The following IFNGR2 variants were observed in gnomAD, a reference collection of about 807,000 sequenced individuals.
IFNGR2 encodes the protein interferon gamma receptor 2.
IFNGR2 carries 15 observed loss-of-function variants against 41.1 expected under a neutral mutation model. The observed-to-expected ratio is 0.37, with a 90% confidence interval of 0.24 to 0.56. The LOEUF is 0.56. Ranked by LOEUF, IFNGR2 falls within the 20% of genes least tolerant of loss-of-function variation. The pLI, the probability that IFNGR2 is intolerant of heterozygous loss-of-function variation, is 0.81. For missense variants in IFNGR2, 362 were observed against 415.7 expected, an observed-to-expected ratio of 0.87 and a Z score of 1.12; for synonymous variants, 161 against 171.6, an observed-to-expected ratio of 0.94 and a Z score of 0.48.
At chr21:33,429,685 CT>C (rs1351699965) in intron 4 of IFNGR2, among the ~76,000 whole-genome samples, 2 of 152,164 alleles carry the variant, frequency 1.3e-5, no homozygotes, top group Non-Finnish European at 2.9e-5. Flanking sequence ...AGGGCTTTTT[CT>C]GGGGGCTGGC....
At chr21:33,418,264 C>T (rs558857529) in intron 2 of IFNGR2, among the ~76,000 whole-genome samples, 2 of 152,246 alleles carry the variant, frequency 1.3e-5, no homozygotes, top group South Asian at 2.1e-4. Flanking sequence ...ACCATGTTGG[C>T]CAGGCTGGTC....
intron 6 of IFNGR2, among the ~76,000 whole-genome samples, chr21:33,436,250 G>A (rs1016055580): frequency 6.6e-6 from 1 of 151,520 alleles, no homozygotes; most frequent in East Asian, 1.9e-4. Context: ...AGCTACTTGG[G>A]AGGCTGAGGC....
chr21:33,406,638 GTGTTGGAAACTT>G (rs2083679517), intron 1 of IFNGR2, among the ~76,000 whole-genome samples: 1 of 147,464 alleles, frequency 6.8e-6, no homozygotes. Context: ...AAAAAAAAAA[GTGTTGGAAACTT>G]TTTTTTTTTT....
intron 2 of IFNGR2, among the ~76,000 whole-genome samples, chr21:33,415,263 G>C: frequency 6.6e-6 from 1 of 152,200 alleles, no homozygotes; most frequent in South Asian, 2.1e-4. Flanking sequence ...TCTTGCTTTG[G>C]TGGAAAGTTC....
rs2083804184 is a variant in IFNGR2 at position 33,422,863 on chromosome 21, G to C, written c.412+1178G>C. ...TTGCACTCCAGCCTGGGCAACAAGAGTGAAACTCCATCTCAAAAAAAAAAA... is the reference window on the plus strand; with the variant it reads ...TTGCACTCCAGCCTGGGCAACAAGACTGAAACTCCATCTCAAAAAAAAAAA... On this transcript the variant is annotated intron_variant, in intron 3 of 6. Coordinates refer to ENST00000290219, the MANE Select transcript of IFNGR2 (RefSeq NM_005534.4). Among the ~76,000 whole-genome samples the C allele has an allele frequency of 4.2e-5, 4 of 94,880 alleles. No homozygotes were observed. In the Admixed American group the frequency reaches 6.0e-4, roughly 14 times the overall value. 62.2% of individuals were successfully genotyped at this position (94,880 alleles called of 152,430 possible). A position where few individuals can be genotyped will look rare whatever the true frequency, so the allele number is the denominator to read the frequency against.
chr21:33,421,208 T>G (rs955430491), intron 2 of IFNGR2, among the ~76,000 whole-genome samples: 1 of 151,880 alleles, frequency 6.6e-6, no homozygotes, highest in Non-Finnish European at 1.5e-5. Flanking sequence ...GGCTCACACC[T>G]GTAGTTCCAG....
chr21:33,413,457 T>A lies in IFNGR2; in HGVS notation c.74-1431T>A, dbSNP rs150639149. 2.0e-5 allele frequency among the ~76,000 whole-genome samples: 3 copies of A among 152,352 alleles called. No individual in the cohort carries two copies. In the East Asian group the frequency reaches 5.8e-4, roughly 29 times the overall value. Reference sequence around the variant, plus strand: ...AAGAGCCAGTGGTCAGGCTGTCAGCTGATCTCTTTGAGGTTGAGCGCATTT... The same window carrying A: ...AAGAGCCAGTGGTCAGGCTGTCAGCAGATCTCTTTGAGGTTGAGCGCATTT... On this transcript the variant is annotated intron_variant, in intron 1 of 6. Coordinates refer to ENST00000290219, the MANE Select transcript of IFNGR2 (RefSeq NM_005534.4).
intron 1 of IFNGR2, among the ~76,000 whole-genome samples, chr21:33,412,551 CATTT>C (rs377537879): frequency 2.0e-5 from 3 of 152,164 alleles, no homozygotes; most frequent in African/African-American, 4.8e-5. Flanking sequence ...GGTACCAGAG[CATTT>C]ATTTATTTAT....
intron 6 of IFNGR2, among the ~76,000 whole-genome samples, chr21:33,436,616 G>T (rs1247889201): frequency 1.3e-5 from 2 of 151,874 alleles, no homozygotes; most frequent in Non-Finnish European, 2.9e-5. Context: ...CAGCTACTTG[G>T]AGGATTGAGG....
chr21:33,425,201 T>TGAGC lies in IFNGR2; in HGVS notation c.413-1682_413-1679dup, dbSNP rs569746039. ...TCCCAAAGTGCTGGGATTACAGGTA[T>TGAGC]GAGCCACCATGCCCATCCCGTGATA... On this transcript the variant is annotated intron_variant, in intron 3 of 6. Transcript: ENST00000290219. 5.4e-4 allele frequency among the ~76,000 whole-genome samples: 83 copies of TGAGC among 152,306 alleles called. 2 individuals carry two copies. Among genetic ancestry groups the TGAGC allele is most frequent in the Admixed American group, 2.1e-3 (32 of 15,288 alleles).
At chr21:33,410,921 G>C (rs1477700060) in intron 1 of IFNGR2, 1 of 1,419,798 alleles carries the variant, frequency 7.0e-7, no homozygotes, top group Non-Finnish European at 9.7e-7. Context: ...GGTGTAACCT[G>C]TATGAAACCT....
At chr21:33,433,269 C>T (rs2123371842) in intron 6 of IFNGR2, among the ~76,000 whole-genome samples, 1 of 152,268 alleles carries the variant, frequency 6.6e-6, no homozygotes. Flanking sequence ...AAGCCGTGGA[C>T]ACAGAGATTT....
chr21:33,426,895 C>A lies in IFNGR2; in HGVS notation c.424C>A (p.Pro142Thr). 3.1e-6 allele frequency: 5 copies of A among 1,613,282 alleles called. No homozygotes were observed. The highest frequency in any genetic ancestry group is 4.2e-6 in the Non-Finnish European group (5 of 1,179,736). ...FQHYRNVTVG[P>T]PENIEVTPGE... ...TAATTCTTTTTCAGTGACTGTCGGG[C>A]CTCCAGAAAACATTGAGGTGACCCC... is the stretch of plus-strand genomic sequence containing the variant. The change falls in exon 4 of 7, where the codon CCT (proline) becomes ACT (threonine). Residue 142 changes from proline (P) to threonine (T), a missense_variant. Transcript: ENST00000290219.
At chr21:33,422,722 C>T (rs2083803179) in intron 3 of IFNGR2, among the ~76,000 whole-genome samples, 1 of 151,678 alleles carries the variant, frequency 6.6e-6, no homozygotes. Context: ...ACTAAAAACA[C>T]AAAAATTAGC....
chr21:33,428,113 G>GGCAGAGCAGA (rs759983725), intron 4 of IFNGR2, among the ~76,000 whole-genome samples: 1 of 151,992 alleles, frequency 6.6e-6, no homozygotes, highest in Non-Finnish European at 1.5e-5. Flanking sequence ...GCGAATCACT[G>GGCAGAGCAGA]GCAGAGCAGA....
chr21:33,404,383 G>T (rs966375029), intron 1 of IFNGR2, among the ~76,000 whole-genome samples: 1 of 152,196 alleles, frequency 6.6e-6, no homozygotes, highest in Admixed American at 6.5e-5. Context: ...GAACTGTCCG[G>T]GTCCCATCAG....
intron 3 of IFNGR2, among the ~76,000 whole-genome samples, chr21:33,426,275 T>C (rs578091437): frequency 3.9e-5 from 6 of 151,954 alleles, no homozygotes; most frequent in Non-Finnish European, 8.8e-5. Context: ...TAGCCGGGTA[T>C]GGTGGCGTGT....
intron 2 of IFNGR2, among the ~76,000 whole-genome samples, chr21:33,419,881 T>A (rs1014866634): frequency 7.9e-5 from 12 of 152,186 alleles, no homozygotes; most frequent in Non-Finnish European, 7.3e-5. Context: ...GCACTGCATT[T>A]GAGGAAGAGC....
Position 33,426,907 on chromosome 21 carries a change from A to ATT in IFNGR2, c.437_438dup (p.Glu147LeufsTer3). 6.2e-7 allele frequency: 1 copy of ATT among 1,613,700 alleles called. No homozygotes were observed. Among genetic ancestry groups the ATT allele is most frequent in the Non-Finnish European group, 8.5e-7 (1 of 1,179,898 alleles). ...AGTGACTGTCGGGCCTCCAGAAAACATTGAGGTGACCCCAGGAGAAGGCTC... is the reference window on the plus strand; with the variant it reads ...AGTGACTGTCGGGCCTCCAGAAAACATTTTGAGGTGACCCCAGGAGAAGGCTC... On this transcript the variant is annotated frameshift_variant, in exon 4 of 7. Transcript: ENST00000290219. LOFTEE classifies it high-confidence loss of function.
Sources: gnomAD v4.1 joint callset for allele counts (sites outside exome capture counted in the v4.1 genomes callset) on GRCh38, gnomAD v4.1.1 for gene constraint, MANE v1.5 for transcripts, NCBI Gene and HGNC (gene_info 2026-07-23, HGNC 2026-07-21) for gene names.